The following OBI1 variants were observed in gnomAD, a reference collection of about 807,000 sequenced individuals.
The protein encoded by OBI1 is ORC ubiquitin ligase 1.
OBI1 carries 59 observed loss-of-function variants against 62.4 expected under a neutral mutation model. That is an observed-to-expected ratio of 0.95 (90% confidence interval 0.77 to 1.17). OBI1 has a LOEUF of 1.17. OBI1 is among the 50% of genes most tolerant of loss of function. The pLI is 0.00. For synonymous variants in OBI1, 302 were observed against 292.8 expected, an observed-to-expected ratio of 1.03 and a Z score of -0.32; for missense variants, 875 against 830.9, an observed-to-expected ratio of 1.05 and a Z score of -0.65.
chr13:78,641,357 G>A (rs1446945903), intron 3 of OBI1, among the ~76,000 whole-genome samples: 2 of 152,122 alleles, frequency 1.3e-5, no homozygotes, highest in Non-Finnish European at 2.9e-5. Context: ...ATTCAATCAT[G>A]TATTTATACC....
At chr13:78,648,941 T>G (rs1364883104) in intron 1 of OBI1, among the ~76,000 whole-genome samples, 1 of 152,076 alleles carries the variant, frequency 6.6e-6, no homozygotes, top group East Asian at 1.9e-4. Context: ...ATCAGTATTT[T>G]TCATGTATTT....
At chr13:78,641,744 T>C (rs1876221922) in intron 3 of OBI1, among the ~76,000 whole-genome samples, 1 of 151,942 alleles carries the variant, frequency 6.6e-6, no homozygotes, top group African/African-American at 2.4e-5. Context: ...GAGGTCAGAC[T>C]GGCTTTCACA....
intron 5 of OBI1, chr13:78,620,753 C>T (rs1043335058): frequency 2.4e-6 from 1 of 414,880 alleles, no homozygotes; most frequent in African/African-American, 2.1e-5. Context: ...AAGAGCATCT[C>T]TAACAACAAA....
intron 3 of OBI1, among the ~76,000 whole-genome samples, chr13:78,640,179 G>A (rs1343174308): frequency 6.6e-6 from 1 of 151,398 alleles, no homozygotes; most frequent in Non-Finnish European, 1.5e-5. Flanking sequence ...AGTACATTGA[G>A]GGGGGCCGGG....
chr13:78,620,311 A>C (rs1875467001), intron 5 of OBI1, among the ~76,000 whole-genome samples: 1 of 152,216 alleles, frequency 6.6e-6, no homozygotes, highest in Non-Finnish European at 1.5e-5. Context: ...AGATATTTGG[A>C]GTATACAACA....
intron 5 of OBI1, among the ~76,000 whole-genome samples, chr13:78,623,856 T>C (rs1593787304): frequency 2.0e-5 from 3 of 152,212 alleles, no homozygotes; most frequent in African/African-American, 7.2e-5. Flanking sequence ...ATTTTAGGCA[T>C]AAATCCAGTA....
At chr13:78,634,356 A>G (rs4347513) in intron 5 of OBI1, among the ~76,000 whole-genome samples, 70,608 of 151,354 alleles carry the variant, frequency 0.47, 18,673 homozygotes, top group African/African-American at 0.72. Flanking sequence ...GTGCAGTGGC[A>G]TGATCTCGGC....
At chr13:78,652,185 T>C (rs1397120848) in intron 1 of OBI1, among the ~76,000 whole-genome samples, 1 of 152,176 alleles carries the variant, frequency 6.6e-6, no homozygotes, top group Non-Finnish European at 1.5e-5. Flanking sequence ...GAATGAGTAT[T>C]TATCAGATGA....
intron 5 of OBI1, among the ~76,000 whole-genome samples, chr13:78,621,113 G>A (rs568357064): frequency 3.9e-5 from 6 of 152,312 alleles, no homozygotes; most frequent in Admixed American, 2.6e-4. Context: ...GAAACAAAGC[G>A]AAAGCTATCT....
intron 1 of OBI1, among the ~76,000 whole-genome samples, chr13:78,646,977 A>C (rs1876403772): frequency 6.6e-6 from 1 of 152,254 alleles, no homozygotes; most frequent in Non-Finnish European, 1.5e-5. Flanking sequence ...TCAAGATTTA[A>C]GGGATCTAGG....
chr13:78,630,129 C>T (rs968188723), intron 5 of OBI1, among the ~76,000 whole-genome samples: 4 of 152,092 alleles, frequency 2.6e-5, no homozygotes, highest in Non-Finnish European at 5.9e-5. Flanking sequence ...ATCCCTGCAA[C>T]CTAACCATCA....
intron 5 of OBI1, among the ~76,000 whole-genome samples, chr13:78,631,727 G>A (rs1391592942): frequency 1.3e-5 from 2 of 152,124 alleles, no homozygotes; most frequent in African/African-American, 4.8e-5. Flanking sequence ...TTTTGGCAAG[G>A]AACAGGATGA....
At chr13:78,654,335 G>A (rs190729821) in intron 1 of OBI1, among the ~76,000 whole-genome samples, 2 of 151,888 alleles carry the variant, frequency 1.3e-5, no homozygotes, top group African/African-American at 4.8e-5. Flanking sequence ...TTTTCAACTG[G>A]AAAAAAGAGA....
intron 5 of OBI1, among the ~76,000 whole-genome samples, chr13:78,624,763 G>A (rs1421652574): frequency 6.6e-6 from 1 of 152,124 alleles, no homozygotes; most frequent in African/African-American, 2.4e-5. Flanking sequence ...GTCAGCAGGT[G>A]GATAAGGAGA....
At chr13:78,659,004 C>T in intron 1 of OBI1, 45 bp downstream of exon 1, 2 of 1,575,394 alleles carry the variant, frequency 1.3e-6, no homozygotes, top group Non-Finnish European at 1.7e-6. Context: ...CGGCGAGCGA[C>T]TTATCCAACC....
chr13:78,626,691 G>C lies in OBI1; in HGVS notation c.638+8419C>G, dbSNP rs572704920. On this transcript the variant is annotated intron_variant, in intron 5 of 5. Coordinates refer to ENST00000282003, the MANE Select transcript of OBI1 (RefSeq NM_024546.4). ...CAATGAGAAATTCAGCATAGCCAGA[G>C]CAGAGCACAAGAAGCGAGGGGCTAG... 2.6e-4 allele frequency among the ~76,000 whole-genome samples: 39 copies of C among 152,314 alleles called. No individual in the cohort carries two copies. The East Asian group carries it at 7.5e-3, about 29-fold the overall frequency.
intron 1 of OBI1, among the ~76,000 whole-genome samples, chr13:78,657,589 A>G (rs947928259): frequency 1.3e-5 from 2 of 152,254 alleles, no homozygotes; most frequent in African/African-American, 4.8e-5. Flanking sequence ...TCTATGAGGT[A>G]TCACTCTCGT....
intron 5 of OBI1, among the ~76,000 whole-genome samples, chr13:78,621,755 A>C (rs897416355): frequency 1.3e-5 from 2 of 152,216 alleles, no homozygotes; most frequent in African/African-American, 4.8e-5. Context: ...GAAAAGGATG[A>C]AGATGTCTAG....
At chr13:78,649,035 G>T (rs372100055) in intron 1 of OBI1, among the ~76,000 whole-genome samples, 8 of 152,256 alleles carry the variant, frequency 5.3e-5, no homozygotes, top group African/African-American at 1.9e-4. Context: ...ATCATATACT[G>T]AAGTGGCAAA....
Sources: allele counts gnomAD v4.1 joint callset (sites outside exome capture counted in the v4.1 genomes callset), GRCh38; gene constraint gnomAD v4.1.1; transcripts MANE v1.5; gene names NCBI Gene and HGNC (gene_info 2026-07-23, HGNC 2026-07-21).